Variants in FRMPD3 observed in about 807,000 individuals in gnomAD.
FRMPD3 encodes FERM and PDZ domain-containing protein 3.
FRMPD3 carries 42 observed loss-of-function variants against 97.9 expected under a neutral mutation model. The observed-to-expected ratio is 0.43, with a 90% CI of 0.34 to 0.55. The LOEUF is 0.55. Among genes scored for constraint, FRMPD3 ranks in the 20% least tolerant of loss-of-function variants. The pLI is 0.03. For synonymous variants in FRMPD3, 577 were observed against 581.1 expected (o/e 0.99, Z 0.10); for missense variants, 1,303 against 1,457.7 (o/e 0.89, Z 1.73).
At chrX:107,559,524 T>A (rs2147595121) in intron 8 of FRMPD3, among the ~76,000 whole-genome samples, 1 of 111,839 alleles carries the variant, frequency 8.9e-6, no homozygotes, top group East Asian at 2.8e-4. Flanking sequence ...ATGTATTCCT[T>A]TTCCACTCTC....
In FRMPD3 at chrX:107,604,224, C is replaced by T. The variant is rs1433755158; in HGVS notation, c.*851C>T. 2.1e-5 allele frequency: 2 copies of T among 96,488 alleles called. No individual in the cohort carries two copies. The highest frequency in any genetic ancestry group is 7.7e-5 in the African/African-American group (2 of 25,844). The allele number at this position is 96,488 out of a possible 1,213,427, so 8.0% of individuals were successfully genotyped here. On this transcript the variant is annotated 3_prime_UTR_variant, in exon 15 of 15. Transcript: ENST00000683843. ...TGCAGGCATGAGGCTTCTCTCTCAA[C>T]ATCTCTCTACCAGACAGACTGTCCT...
chrX:107,599,341 G>A (rs901026573), intron 14 of FRMPD3, among the ~76,000 whole-genome samples: 1 of 111,830 alleles, frequency 8.9e-6, no homozygotes, highest in African/African-American at 3.3e-5. Context: ...GGGAGGAATA[G>A]GGACCACGAG....
At chrX:107,573,312 G>C (rs1309778790) in intron 12 of FRMPD3, among the ~76,000 whole-genome samples, 1 of 111,412 alleles carries the variant, frequency 9.0e-6, no homozygotes, top group Non-Finnish European at 1.9e-5. Context: ...AGCCTAGTGA[G>C]TCTTGGGCCC....
intron 1 of FRMPD3, among the ~76,000 whole-genome samples, chrX:107,452,634 T>C (rs1931309335): frequency 9.0e-6 from 1 of 111,630 alleles, no homozygotes; most frequent in Non-Finnish European, 1.9e-5. Flanking sequence ...GTTGGTGCTA[T>C]GGCTTCTTTG....
At position 107,546,921 on chromosome X, in the gene FRMPD3, C is replaced by T. The variant is rs146224169; in HGVS notation, c.402+1080C>T. Among the ~76,000 whole-genome samples the T allele has an allele frequency of 1.3e-3, 149 of 111,498 alleles. 1 individual carries two copies. The highest frequency in any genetic ancestry group is 4.6e-3 in the African/African-American group (140 of 30,686). The stretch of plus-strand genomic sequence containing the variant: ...TAGTGAGAAGAAGGTATAGAGGACA[C>T]AGGTGTCTTCCATCTCCATTTCCCT... On this transcript the variant is annotated intron_variant, in intron 5 of 14. Coordinates refer to ENST00000683843, the MANE Select transcript of FRMPD3 (RefSeq NM_001388459.1).
chrX:107,475,049 A>G (rs775378907), intron 1 of FRMPD3, among the ~76,000 whole-genome samples: 1 of 112,036 alleles, frequency 8.9e-6, no homozygotes, highest in East Asian at 2.8e-4. Flanking sequence ...CTCTGAATTT[A>G]GAGTAGAGAA....
At chrX:107,459,505 G>C (rs887836834) in intron 1 of FRMPD3, among the ~76,000 whole-genome samples, 7 of 111,836 alleles carry the variant, frequency 6.3e-5, no homozygotes, top group African/African-American at 1.9e-4. Context: ...CTGCTAAATT[G>C]CCTCCCCCAC....
At chrX:107,587,483 C>T (rs759889243) in intron 13 of FRMPD3, among the ~76,000 whole-genome samples, 1 of 111,532 alleles carries the variant, frequency 9.0e-6, no homozygotes, top group Admixed American at 9.6e-5. Context: ...TGAATTTGAT[C>T]CTGTCATCAT....
chrX:107,489,010 G>A lies in FRMPD3; in HGVS notation c.-7-37572G>A, dbSNP rs1392085356. On this transcript the variant is annotated intron_variant, in intron 1 of 14. Transcript: ENST00000683843. The stretch of plus-strand genomic sequence containing the variant: ...CTCCCCCCACCCCACAACAGTCCCC[G>A]GAGTGTGATGTTCCCCTTCCTGTGT... Among the ~76,000 whole-genome samples, 128 of 67,409 alleles carry A rather than the reference G, an allele frequency of 1.9e-3. 1 individual carries two copies. Among genetic ancestry groups the A allele is most frequent in the African/African-American group, 8.0e-3 (125 of 15,675 alleles). 58.5% of individuals were successfully genotyped at this position (67,409 alleles called of 115,157 possible). A position where few individuals can be genotyped will look rare whatever the true frequency, so the allele number is the denominator to read the frequency against.
chrX:107,541,186 G>A (rs1397603917), intron 4 of FRMPD3, among the ~76,000 whole-genome samples: 1 of 112,964 alleles, frequency 8.9e-6, no homozygotes, highest in Non-Finnish European at 1.9e-5. Flanking sequence ...TTTTGACCCG[G>A]GCCTTCCCAA....
intron 1 of FRMPD3, among the ~76,000 whole-genome samples, chrX:107,457,631 C>G (rs1931399119): frequency 8.9e-6 from 1 of 112,086 alleles, no homozygotes; most frequent in African/African-American, 3.2e-5. Flanking sequence ...TGTGTGGACC[C>G]TCAGTGGACC....
chrX:107,500,519 C>T (rs1279830034), intron 1 of FRMPD3, among the ~76,000 whole-genome samples: 9 of 111,736 alleles, frequency 8.1e-5, no homozygotes, highest in Non-Finnish European at 1.7e-4. Flanking sequence ...TCAGGCTGGG[C>T]GCCGTGGCTC....
chrX:107,593,045 G>A (rs756623282), intron 13 of FRMPD3, among the ~76,000 whole-genome samples: 64 of 111,178 alleles, frequency 5.8e-4, no homozygotes, highest in Non-Finnish European at 1.1e-3. Context: ...CAAAGTGCTG[G>A]GATTACAGGC....
intron 13 of FRMPD3, among the ~76,000 whole-genome samples, chrX:107,585,108 C>T (rs1923585551): frequency 1.8e-5 from 2 of 111,478 alleles, no homozygotes; most frequent in African/African-American, 3.3e-5. Flanking sequence ...CTTGTATCCT[C>T]TCATTTCCTT....
At chrX:107,589,113 C>T (rs897696459) in intron 13 of FRMPD3, among the ~76,000 whole-genome samples, 1 of 111,341 alleles carries the variant, frequency 9.0e-6, no homozygotes, top group Non-Finnish European at 1.9e-5. Flanking sequence ...AGTTCTGTGC[C>T]CTTGCTGGAA....
intron 13 of FRMPD3, among the ~76,000 whole-genome samples, chrX:107,592,493 G>A (rs1923953867): frequency 1.8e-5 from 2 of 111,470 alleles, no homozygotes; most frequent in Admixed American, 1.9e-4. Context: ...GAGCCACTGT[G>A]CCCAACTGTA....
intron 1 of FRMPD3, among the ~76,000 whole-genome samples, chrX:107,459,904 C>T (rs1931439218): frequency 9.0e-6 from 1 of 111,324 alleles, no homozygotes; most frequent in African/African-American, 3.3e-5. Flanking sequence ...CACACACACA[C>T]ACACACACAC....
At chrX:107,461,740 A>T (rs1486167157) in intron 1 of FRMPD3, among the ~76,000 whole-genome samples, 3 of 106,841 alleles carry the variant, frequency 2.8e-5, no homozygotes, top group African/African-American at 1.0e-4. Context: ...CCTGCCTTCC[A>T]CAACAGCTGG....
rs181285630 is a variant in FRMPD3, at chrX:107,536,128, G to A, written c.297+2578G>A. Among the ~76,000 whole-genome samples the A allele has an allele frequency of 1.4e-4, 16 of 111,465 alleles. No individual in the cohort carries two copies. The East Asian group carries it at 3.9e-3, about 27-fold the overall frequency. On this transcript the variant is annotated intron_variant, in intron 4 of 14. Coordinates refer to ENST00000683843, the MANE Select transcript of FRMPD3 (RefSeq NM_001388459.1). ...GCTACTTAGGAGGCTGAGATGGGAG[G>A]ATCACTTGAGGTCAGGAATTTGAGA...
Sources: gnomAD v4.1 joint callset for allele counts (sites outside exome capture counted in the v4.1 genomes callset) on GRCh38, gnomAD v4.1.1 for gene constraint, MANE v1.5 for transcripts, NCBI Gene and HGNC (gene_info 2026-07-23, HGNC 2026-07-21) for gene names.